LIN52: variants seen among roughly 807,000 people sequenced by gnomAD.
LIN52 encodes lin-52 DREAM MuvB core complex component, also known as protein lin-52 homolog.
LIN52 carries 4 observed loss-of-function variants against 18.5 expected under a neutral mutation model. The observed-to-expected ratio is 0.22, with a 90% CI of 0.11 to 0.49. LIN52 has a LOEUF of 0.49. Ranked by LOEUF, LIN52 falls within the 20% of genes least tolerant of loss-of-function variation. The probability of loss-of-function intolerance (pLI) is 0.97; values close to 1 mark genes in which losing one functional copy is unlikely to be tolerated. For synonymous variants in LIN52, 34 were observed against 45.5 expected, an observed-to-expected ratio of 0.75 and a Z score of 1.02; for missense variants, 102 against 139.5, an observed-to-expected ratio of 0.73 and a Z score of 1.35.
At chr14:74,143,420 G>A (rs2061140549) in intron 5 of LIN52, among the ~76,000 whole-genome samples, 1 of 152,152 alleles carries the variant, frequency 6.6e-6, no homozygotes. Flanking sequence ...AAGTGTGGCA[G>A]TGTGCCCCTG....
chr14:74,130,981 A>G (rs1342739865), intron 5 of LIN52, among the ~76,000 whole-genome samples: 1 of 151,586 alleles, frequency 6.6e-6, no homozygotes. Context: ...TTATTGAGAT[A>G]GGATCTCTGT....
intron 5 of LIN52, among the ~76,000 whole-genome samples, chr14:74,180,521 G>A (rs1434363100): frequency 6.6e-6 from 1 of 151,954 alleles, no homozygotes; most frequent in African/African-American, 2.4e-5. Context: ...GCCTCCCAAA[G>A]TACTGGGATT....
At chr14:74,177,412 A>G (rs1367646393) in intron 5 of LIN52, among the ~76,000 whole-genome samples, 1 of 152,212 alleles carries the variant, frequency 6.6e-6, no homozygotes, top group Non-Finnish European at 1.5e-5. Context: ...ATGCCATAAG[A>G]TATGCATCAG....
At chr14:74,196,019 G>A (rs2078910009) in intron 5 of LIN52, among the ~76,000 whole-genome samples, 2 of 152,182 alleles carry the variant, frequency 1.3e-5, no homozygotes, top group South Asian at 4.1e-4. Context: ...CCCTCTTTTA[G>A]GGAGCGGCTG....
chr14:74,133,243 C>A (rs1027577010), intron 5 of LIN52, among the ~76,000 whole-genome samples: 1 of 152,196 alleles, frequency 6.6e-6, no homozygotes, highest in Non-Finnish European at 1.5e-5. Flanking sequence ...GTTTTTAAAA[C>A]CTGCTAGTCG....
chr14:74,172,604 T>C (rs1167395606), intron 5 of LIN52, among the ~76,000 whole-genome samples: 1 of 152,244 alleles, frequency 6.6e-6, no homozygotes, highest in Admixed American at 6.5e-5. Flanking sequence ...AACTTAGGAC[T>C]GAGCAGGTTA....
intron 5 of LIN52, among the ~76,000 whole-genome samples, chr14:74,132,758 C>T (rs896259136): frequency 2.6e-5 from 4 of 152,110 alleles, no homozygotes; most frequent in Admixed American, 6.5e-5. Flanking sequence ...CCGCCCGCCT[C>T]GGCCTCCCAA....
At chr14:74,186,571 G>C (rs1343028172) in intron 5 of LIN52, among the ~76,000 whole-genome samples, 1 of 151,332 alleles carries the variant, frequency 6.6e-6, no homozygotes, top group Non-Finnish European at 1.5e-5. Flanking sequence ...GGAGTTCAAG[G>C]CTGCAGTGAG....
At chr14:74,104,088 G>A (rs2060881531) in intron 5 of LIN52, among the ~76,000 whole-genome samples, 1 of 151,636 alleles carries the variant, frequency 6.6e-6, no homozygotes, top group Non-Finnish European at 1.5e-5. Flanking sequence ...TAGTAGAGAC[G>A]GGGTTTCACC....
intron 5 of LIN52, among the ~76,000 whole-genome samples, chr14:74,125,759 A>G (rs1328781323): frequency 1.3e-5 from 2 of 151,888 alleles, no homozygotes; most frequent in African/African-American, 4.8e-5. Flanking sequence ...GAAGCTGGAA[A>G]CCATCTTTCT....
intron 4 of LIN52, among the ~76,000 whole-genome samples, chr14:74,100,410 C>T (rs2060845654): frequency 6.6e-6 from 1 of 152,180 alleles, no homozygotes; most frequent in Non-Finnish European, 1.5e-5. Flanking sequence ...TGGTGATCCT[C>T]CCATCCCAGC....
intron 5 of LIN52, among the ~76,000 whole-genome samples, chr14:74,197,135 G>A (rs562138363): frequency 1.3e-5 from 2 of 152,312 alleles, no homozygotes; most frequent in African/African-American, 4.8e-5. Context: ...AGAGAATGGA[G>A]CACTGAGGGC....
intron 5 of LIN52, among the ~76,000 whole-genome samples, chr14:74,103,531 C>T (rs1344594170): frequency 6.8e-6 from 1 of 147,446 alleles, no homozygotes; most frequent in African/African-American, 2.5e-5. Context: ...CTCCCAGGTT[C>T]AAGCGATTCT....
At chr14:74,130,954 A>ATTATTTATTTAT (rs138444518) in intron 5 of LIN52, among the ~76,000 whole-genome samples, 1 of 150,996 alleles carries the variant, frequency 6.6e-6, no homozygotes, top group South Asian at 2.1e-4. Flanking sequence ...TAAAATTTTT[A>ATTATTTATTTAT]TTATTTATTT....
chr14:74,183,410 C>T (rs1423630968), intron 5 of LIN52, among the ~76,000 whole-genome samples: 4 of 152,022 alleles, frequency 2.6e-5, no homozygotes, highest in African/African-American at 7.2e-5. Context: ...AAAAGTTACC[C>T]GCTTCTAAAG....
At chr14:74,117,868 A>G (rs558857318) in intron 5 of LIN52, among the ~76,000 whole-genome samples, 2 of 152,346 alleles carry the variant, frequency 1.3e-5, no homozygotes, top group African/African-American at 4.8e-5. Context: ...TGTATAAGAG[A>G]AGTATCTCTA....
chr14:74,119,616 C>A (rs1294803155), intron 5 of LIN52, among the ~76,000 whole-genome samples: 6 of 152,192 alleles, frequency 3.9e-5, no homozygotes, highest in Non-Finnish European at 5.9e-5. Flanking sequence ...ATTTCAGTTG[C>A]TCCAAGTCCT....
intron 2 of LIN52, 88 bp from the exon 3 acceptor site, chr14:74,095,860 C>A: frequency 1.3e-6 from 1 of 799,104 alleles, no homozygotes; most frequent in Non-Finnish European, 2.0e-6. Context: ...TATAAGAAAA[C>A]AGACAAAGCT....
chr14:74,164,850 G>T (rs1039255163), intron 5 of LIN52, among the ~76,000 whole-genome samples: 1 of 152,070 alleles, frequency 6.6e-6, no homozygotes, highest in Non-Finnish European at 1.5e-5. Context: ...CATAGGAAAA[G>T]AAATTACCAA....
Sources: allele counts gnomAD v4.1 joint callset (sites outside exome capture counted in the v4.1 genomes callset), GRCh38; gene constraint gnomAD v4.1.1; transcripts MANE v1.5; gene names NCBI Gene and HGNC (gene_info 2026-07-23, HGNC 2026-07-21).